The following ATF1 variants were observed in gnomAD, a reference collection of about 807,000 sequenced individuals.
The protein encoded by ATF1 is cyclic AMP-dependent transcription factor ATF-1.
In ATF1, 16 loss-of-function variants were observed where a neutral mutation model predicts 34.7. That is an observed-to-expected ratio of 0.46 (90% CI 0.31 to 0.70). The LOEUF (loss-of-function observed/expected upper bound fraction) is 0.70. Among genes scored for constraint, ATF1 ranks in the 30% least tolerant of loss-of-function variants. The pLI is 0.05. For missense variants in ATF1, 255 were observed against 321.6 expected (o/e 0.79, Z 1.58); for synonymous variants, 105 against 113.1 (o/e 0.93, Z 0.46).
intron 3 of ATF1, 56 bp from the exon 4 acceptor site, chr12:50,809,387 AAAAAAAAATTATT>A: frequency 3.0e-6 from 4 of 1,313,954 alleles, no homozygotes; most frequent in Admixed American, 2.4e-5. Flanking sequence ...AAAAAAAAAA[AAAAAAAAATTATT>A]TTTGTGAAGT....
intron 2 of ATF1, among the ~76,000 whole-genome samples, 185 bp from the exon 3 acceptor site, chr12:50,795,724 T>C (rs977227810): frequency 9.8e-5 from 15 of 152,348 alleles, no homozygotes; most frequent in African/African-American, 3.1e-4. Flanking sequence ...CTTTAATAGG[T>C]TGGGCTCCTG....
chr12:50,792,974 T>C (rs973727130), intron 2 of ATF1, among the ~76,000 whole-genome samples: 7 of 152,308 alleles, frequency 4.6e-5, no homozygotes, highest in Non-Finnish European at 8.8e-5. Context: ...ATTCCTTTTC[T>C]TTCTACTTTT....
chr12:50,768,943 G>A (rs982844006), intron 1 of ATF1, among the ~76,000 whole-genome samples: 68 of 152,280 alleles, frequency 4.5e-4, no homozygotes, highest in Non-Finnish European at 2.8e-4. Flanking sequence ...CCCCTAAGCT[G>A]TGCTGGAGAG....
intron 2 of ATF1, among the ~76,000 whole-genome samples, chr12:50,788,888 G>C (rs1442904757): frequency 6.6e-6 from 1 of 151,928 alleles, no homozygotes; most frequent in Non-Finnish European, 1.5e-5. Context: ...CCTTTTTGTT[G>C]GTGATTTTGC....
intron 2 of ATF1, among the ~76,000 whole-genome samples, chr12:50,791,271 G>T (rs983578148): frequency 6.6e-6 from 1 of 152,154 alleles, no homozygotes; most frequent in African/African-American, 2.4e-5. Flanking sequence ...AAGGGAACAG[G>T]AAGGCTGGGT....
intron 2 of ATF1, chr12:50,788,390 T>C (rs1485162822): frequency 1.8e-5 from 6 of 338,374 alleles, no homozygotes; most frequent in Non-Finnish European, 2.9e-5. Context: ...TTTGCAGTGT[T>C]GCCCAGGCTG....
At chr12:50,796,145 C>G (rs1204520104) in intron 3 of ATF1, 136 bp downstream of exon 3, 1 of 720,902 alleles carries the variant, frequency 1.4e-6, no homozygotes, top group African/African-American at 1.8e-5. Context: ...CGCCTATAAT[C>G]CCAACCCTTT....
chr12:50,796,017 C>G lies in ATF1; in HGVS notation c.194+8C>G, dbSNP rs536825347. The G allele has an allele frequency of 7.5e-6, 12 of 1,593,348 alleles. No homozygotes were observed. In the East Asian group the frequency reaches 2.7e-4, roughly 36 times the overall value. On this transcript the variant is annotated splice_region_variant and intron_variant, in intron 3 of 6. Coordinates refer to ENST00000262053, the MANE Select transcript of ATF1 (RefSeq NM_005171.5). ...ACGGCGCCCATCTTACAGGTGAGTA[C>G]TCTCTTGTATGAAGCCCTGCATGTT...
At chr12:50,774,752 G>GTTT (rs63149060) in intron 1 of ATF1, among the ~76,000 whole-genome samples, 1 of 141,170 alleles carries the variant, frequency 7.1e-6, no homozygotes, top group African/African-American at 2.6e-5. Context: ...TTTTGTTTTT[G>GTTT]TTTTTTTTTT....
intron 1 of ATF1, among the ~76,000 whole-genome samples, chr12:50,765,955 G>A (rs962349179): frequency 6.6e-6 from 1 of 152,180 alleles, no homozygotes; most frequent in Admixed American, 6.5e-5. Context: ...TGGAGTAGCC[G>A]TTCTTTTTAT....
intron 1 of ATF1, among the ~76,000 whole-genome samples, chr12:50,775,957 C>T (rs759527720): frequency 2.6e-5 from 4 of 152,028 alleles, no homozygotes; most frequent in Non-Finnish European, 5.9e-5. Context: ...CTTTAGGAGG[C>T]CAAGGTAGGT....
intron 3 of ATF1, among the ~76,000 whole-genome samples, chr12:50,798,354 GC>G (rs1272346386): frequency 6.6e-6 from 1 of 151,386 alleles, no homozygotes; most frequent in Non-Finnish European, 1.5e-5. Flanking sequence ...TGTCATCCAG[GC>G]TGGAGTGCAG....
intron 3 of ATF1, among the ~76,000 whole-genome samples, chr12:50,800,985 C>T (rs1288691439): frequency 2.0e-5 from 3 of 152,240 alleles, no homozygotes; most frequent in Admixed American, 1.3e-4. Context: ...CCTGTAATCC[C>T]AGCTACTCGG....
intron 1 of ATF1, among the ~76,000 whole-genome samples, chr12:50,774,637 T>G (rs1940865229): frequency 6.6e-6 from 1 of 152,192 alleles, no homozygotes; most frequent in Admixed American, 6.6e-5. Context: ...TTTAAAAAAG[T>G]GAACAAATAA....
intron 3 of ATF1, among the ~76,000 whole-genome samples, chr12:50,802,926 G>C (rs1419550447): frequency 1.5e-5 from 2 of 136,944 alleles, no homozygotes; most frequent in Non-Finnish European, 3.2e-5. Flanking sequence ...ATCTCATGTT[G>C]ATTGATCAGA....
At chr12:50,780,368 G>T in intron 2 of ATF1, 130 bp downstream of exon 2, 3 of 786,956 alleles carry the variant, frequency 3.8e-6, no homozygotes, top group Non-Finnish European at 5.9e-6. Context: ...TTTCGAGGCA[G>T]ATTTTTGCTC....
intron 1 of ATF1, among the ~76,000 whole-genome samples, chr12:50,779,156 C>A (rs532168072): frequency 6.6e-6 from 1 of 152,296 alleles, no homozygotes; most frequent in African/African-American, 2.4e-5. Flanking sequence ...TTTATCAATT[C>A]ATCCACTGAT....
At chr12:50,819,176 A>G (rs1346258803) in intron 6 of ATF1, among the ~76,000 whole-genome samples, 1 of 152,230 alleles carries the variant, frequency 6.6e-6, no homozygotes, top group Non-Finnish European at 1.5e-5. Context: ...TGGATACACA[A>G]ATGGTGGTTA....
chr12:50,819,152 A>G (rs1010412154), intron 6 of ATF1, among the ~76,000 whole-genome samples: 2 of 152,244 alleles, frequency 1.3e-5, no homozygotes, highest in African/African-American at 4.8e-5. Context: ...AACCCTAGAA[A>G]CATCGCAAGA....
Sources: allele counts gnomAD v4.1 joint callset (sites outside exome capture counted in the v4.1 genomes callset), GRCh38; gene constraint gnomAD v4.1.1; transcripts MANE v1.5; gene names NCBI Gene and HGNC (gene_info 2026-07-23, HGNC 2026-07-21).